Variants in RALGPS1 observed in about 807,000 individuals in gnomAD.
RALGPS1 encodes the protein Ral GEF with PH domain and SH3 binding motif 1.
In RALGPS1, 19 loss-of-function variants were observed where a neutral mutation model predicts 78.8. The ratio of observed to expected loss-of-function variants is 0.24; its 90% CI spans 0.17 to 0.35. The LOEUF (loss-of-function observed/expected upper bound fraction) is 0.35, where lower values mean the gene tolerates loss of function less well. Ranked by LOEUF, RALGPS1 falls within the 10% of genes least tolerant of loss-of-function variation. The probability of loss-of-function intolerance (pLI) is 1.00; values close to 1 mark genes in which losing one functional copy is unlikely to be tolerated. For synonymous variants in RALGPS1, 228 were observed against 256.3 expected, an observed-to-expected ratio of 0.89 and a Z score of 1.06; for missense variants, 454 against 688.3, an observed-to-expected ratio of 0.66 and a Z score of 3.81.
chr9:127,031,898 A>T (rs1488795552), intron 4 of RALGPS1, among the ~76,000 whole-genome samples: 1 of 152,204 alleles, frequency 6.6e-6, no homozygotes, highest in Non-Finnish European at 1.5e-5. Context: ...TGTAGGGAAG[A>T]TGTATTAAGT....
chr9:127,210,398 G>A, intron 14 of RALGPS1: 1 of 442,118 alleles, frequency 2.3e-6, no homozygotes, highest in Admixed American at 3.8e-5. Context: ...AGGCAAGTGG[G>A]CGTGCCTGGA....
At chr9:127,063,849 G>T (rs1413406966) in intron 7 of RALGPS1, among the ~76,000 whole-genome samples, 1 of 152,146 alleles carries the variant, frequency 6.6e-6, no homozygotes, top group African/African-American at 2.4e-5. Flanking sequence ...TTTTGCCCAA[G>T]AATTATTTGA....
intron 1 of RALGPS1, among the ~76,000 whole-genome samples, chr9:126,936,688 C>T (rs1298903893): frequency 3.3e-5 from 5 of 151,942 alleles, no homozygotes; most frequent in South Asian, 2.1e-4. Flanking sequence ...AGTGAGGTGC[C>T]ATTGCAAAAG....
Position 127,028,022 on chromosome 9 carries a change from T to A in RALGPS1, c.217-6409T>A, listed in dbSNP as rs546139821. On this transcript the variant is annotated intron_variant, in intron 4 of 18. Coordinates refer to ENST00000259351, the MANE Select transcript of RALGPS1 (RefSeq NM_014636.3). ...AACACTGATTCTAGATATCCCTAAG[T>A]CTCTGCCCCTGGAGGAGCTCCCTAT... 6.2e-4 allele frequency among the ~76,000 whole-genome samples: 95 copies of A among 152,338 alleles called. 3 individuals are homozygous for A. The South Asian group carries it at 0.018, about 29-fold the overall frequency.
intron 3 of RALGPS1, among the ~76,000 whole-genome samples, chr9:126,976,229 G>A (rs983151226): frequency 2.0e-5 from 3 of 151,858 alleles, no homozygotes; most frequent in African/African-American, 4.8e-5. Context: ...GTCAGGAACC[G>A]TAAGTTCACA....
chr9:127,158,381 A>C (rs966957372), intron 8 of RALGPS1, among the ~76,000 whole-genome samples: 1 of 152,056 alleles, frequency 6.6e-6, no homozygotes, highest in South Asian at 2.1e-4. Context: ...GAGAACTTTG[A>C]GAAGATATAT....
At chr9:127,108,073 G>A (rs1281737162) in intron 8 of RALGPS1, 26 of 1,610,180 alleles carry the variant, frequency 1.6e-5, no homozygotes, top group Non-Finnish European at 2.2e-5. Context: ...CCGGGGCGGG[G>A]CAGCGGGGGG....
chr9:126,992,006 T>C (rs1251040033), intron 4 of RALGPS1, among the ~76,000 whole-genome samples: 1 of 152,216 alleles, frequency 6.6e-6, no homozygotes, highest in Non-Finnish European at 1.5e-5. Context: ...CAGTGTCTGG[T>C]ACATGACAGG....
chr9:127,170,407 A>T (rs1321696313), intron 10 of RALGPS1, among the ~76,000 whole-genome samples: 1 of 152,178 alleles, frequency 6.6e-6, no homozygotes, highest in Admixed American at 6.5e-5. Flanking sequence ...TAATGCTTTT[A>T]GTTGTTTTAT....
At chr9:127,040,435 AG>A (rs1242056844) in intron 5 of RALGPS1, among the ~76,000 whole-genome samples, 2 of 152,106 alleles carry the variant, frequency 1.3e-5, no homozygotes, top group African/African-American at 4.8e-5. Flanking sequence ...GACAAATGAT[AG>A]GGGATTGGTC....
intron 11 of RALGPS1, chr9:127,184,202 A>G: frequency 1.4e-6 from 1 of 704,196 alleles, no homozygotes. Flanking sequence ...GTGCGTGCCT[A>G]CAGCCCCAGC....
intron 3 of RALGPS1, among the ~76,000 whole-genome samples, chr9:126,974,412 T>C (rs763455409): frequency 5.3e-5 from 8 of 152,156 alleles, no homozygotes; most frequent in Non-Finnish European, 1.0e-4. Flanking sequence ...AGCCAACAGC[T>C]TTTTTTGTTT....
chr9:127,164,727 A>G (rs913670815), intron 8 of RALGPS1, among the ~76,000 whole-genome samples: 12 of 150,472 alleles, frequency 8.0e-5, no homozygotes, highest in Non-Finnish European at 1.5e-4. Flanking sequence ...TTTTGTAGAG[A>G]CGGGGTTTTG....
chr9:127,108,477 A>T (rs1564595259), intron 8 of RALGPS1: 2 of 1,611,990 alleles, frequency 1.2e-6, no homozygotes, highest in African/African-American at 2.7e-5. Context: ...GCTCCTGCTT[A>T]TGCACTCGGT....
chr9:127,108,818 A>T, intron 8 of RALGPS1: 1 of 1,377,210 alleles, frequency 7.3e-7, no homozygotes. Context: ...TGATGGTCCC[A>T]CCACTGTCAG....
At chr9:126,940,214 C>G (rs1588536985) in intron 1 of RALGPS1, among the ~76,000 whole-genome samples, 1 of 152,076 alleles carries the variant, frequency 6.6e-6, no homozygotes, top group African/African-American at 2.4e-5. Flanking sequence ...GCCTCTCACT[C>G]CACTTCTGTT....
At chr9:127,006,349 T>C (rs2043840700) in intron 4 of RALGPS1, among the ~76,000 whole-genome samples, 1 of 152,176 alleles carries the variant, frequency 6.6e-6, no homozygotes, top group Non-Finnish European at 1.5e-5. Context: ...TGGAAAACCC[T>C]TGGAGAATGG....
chr9:127,113,517 G>A (rs758559655), intron 8 of RALGPS1, among the ~76,000 whole-genome samples: 18 of 23,176 alleles, frequency 7.8e-4, no homozygotes, highest in Non-Finnish European at 1.4e-3. Flanking sequence ...CCCCCACCCC[G>A]GCATTCCAGC....
At chr9:127,012,157 G>A (rs771585613) in intron 4 of RALGPS1, among the ~76,000 whole-genome samples, 4 of 152,150 alleles carry the variant, frequency 2.6e-5, no homozygotes, top group African/African-American at 7.2e-5. Context: ...TATTGAGGGT[G>A]TGAATCTTCA....
Sources: allele counts gnomAD v4.1 joint callset (sites outside exome capture counted in the v4.1 genomes callset), GRCh38; gene constraint gnomAD v4.1.1; transcripts MANE v1.5; gene names NCBI Gene and HGNC (gene_info 2026-07-23, HGNC 2026-07-21).